Variants in CD5 observed in about 807,000 individuals in gnomAD.
The protein encoded by CD5 is CD5 molecule, also known as T-cell surface glycoprotein CD5.
In CD5, 36 loss-of-function variants were observed where a neutral mutation model predicts 60.3. That is an observed-to-expected ratio of 0.60 (90% confidence interval 0.46 to 0.79). CD5 has a LOEUF of 0.79. Among genes scored for constraint, CD5 ranks in the 30% least tolerant of loss-of-function variants. The pLI, the probability that CD5 is intolerant of heterozygous loss-of-function variation, is 0.00. For missense variants in CD5, 540 were observed against 630.6 expected (o/e 0.86, Z 1.54); for synonymous variants, 230 against 257.6 (o/e 0.89, Z 1.03).
chr11:61,107,579 A>T (rs1860794807), intron 1 of CD5, among the ~76,000 whole-genome samples: 1 of 152,214 alleles, frequency 6.6e-6, no homozygotes, highest in African/African-American at 2.4e-5. Flanking sequence ...TTGCACACTT[A>T]GAGGGATGTA....
Position 61,119,320 on chromosome 11 carries a change from A to T in CD5, c.550A>T (p.Thr184Ser). The change falls in exon 5 of 11, where the codon ACC becomes TCC. Residue 184 changes from threonine (T) to serine (S), a missense_variant. Coordinates refer to ENST00000347785, the MANE Select transcript of CD5 (RefSeq NM_014207.4). ...VEFYSGSLGG[T>S]ISYEAQDKTQ... ...GTTCTACAGCGGCAGCCTGGGGGGT[A>T]CCATCAGCTATGAGGCCCAGGACAA... is the stretch of plus-strand genomic sequence containing the variant. 6.2e-7 allele frequency: 1 copy of T among 1,613,910 alleles called. No individual in the cohort carries two copies. Among genetic ancestry groups the T allele is most frequent in the South Asian group, 1.1e-5 (1 of 91,084 alleles).
Position 61,122,927 on chromosome 11 carries a change from G to A in CD5, c.1120G>A (p.Gly374Ser). 1.2e-6 allele frequency: 2 copies of A among 1,613,970 alleles called. No homozygotes were observed. The highest frequency in any genetic ancestry group is 1.7e-6 in the Non-Finnish European group (2 of 1,179,894). ...CCCAGGCCAGGATCCAAACCCCGCA[G>A]GCCTGGCCGCAGGCACGGTGGCAAG... Reference protein sequence around the residue: ...FVTCQDPNPAGLAAGTVASII... With the variant: ...FVTCQDPNPASLAAGTVASII... Residue 374 changes from glycine to serine, a missense_variant, in exon 7 of 11, where the codon GGC (glycine) becomes AGC (serine). By Grantham distance (56) the Gly-to-Ser change is moderately conservative. Coordinates refer to ENST00000347785, the MANE Select transcript of CD5 (RefSeq NM_014207.4).
At chr11:61,098,725 T>C (rs1200566664), upstream of CD5, among the ~76,000 whole-genome samples, 2 of 152,198 alleles carry the variant, frequency 1.3e-5, no homozygotes, top group African/African-American at 2.4e-5. Flanking sequence ...CAGGAATTGC[T>C]CACTCAGAGA....
At chr11:61,105,896 G>C (rs930146192) in intron 1 of CD5, among the ~76,000 whole-genome samples, 4 of 152,078 alleles carry the variant, frequency 2.6e-5, no homozygotes, top group Non-Finnish European at 5.9e-5. Flanking sequence ...AGGCCAAGAC[G>C]GGTGGATCAC....
At position 61,118,135 on chromosome 11, in the gene CD5, C is replaced by T; in HGVS notation, c.95-40C>T. The T allele has an allele frequency of 6.3e-7, 1 of 1,588,970 alleles. No individual in the cohort carries two copies. Among genetic ancestry groups the T allele is most frequent in the Non-Finnish European group, 8.6e-7 (1 of 1,164,544 alleles). The stretch of plus-strand genomic sequence containing the variant: ...CAGTGAGGGGTGCCAGTGGGGAACC[C>T]CTCCCAGCCTGACCCCCACCACACC... On this transcript the variant is annotated intron_variant, in intron 2 of 10. Coordinates refer to ENST00000347785, the MANE Select transcript of CD5 (RefSeq NM_014207.4). The surrounding 1 kb of genome is among the most constrained non-coding windows in gnomAD (Gnocchi z 4.7).
At position 61,118,788 on chromosome 11, in the gene CD5, G is replaced by T; in HGVS notation, c.401-127G>T. 2 of 668,954 alleles carry T rather than the reference G, an allele frequency of 3.0e-6. No homozygotes were observed. The highest frequency in any genetic ancestry group is 3.6e-5 in the South Asian group (2 of 55,786). 41.4% of individuals were successfully genotyped at this position (668,954 alleles called of 1,614,324 possible). A position where few individuals can be genotyped will look rare whatever the true frequency, so the allele number is the denominator to read the frequency against. On this transcript the variant is annotated intron_variant, in intron 3 of 10. Coordinates refer to ENST00000347785, the MANE Select transcript of CD5 (RefSeq NM_014207.4). This position sits in a 1 kb window ranked among gnomAD's most constrained non-coding sequence, Gnocchi z 4.7. ...CGCAGGAGGCTTAGAGACAACGTGT[G>T]GGTCAAGTGGACCTGGTGTGCCAAG...
intron 9 of CD5, among the ~76,000 whole-genome samples, 163 bp downstream of exon 9, chr11:61,125,314 G>A (rs1041361520): frequency 6.6e-6 from 1 of 152,204 alleles, no homozygotes. Flanking sequence ...GGGTACGGAA[G>A]GGATATAGCC....
At position 61,126,194 on chromosome 11, in the gene CD5, C is replaced by T. The variant is rs573717860; in HGVS notation, c.*3-94C>T. On this transcript the variant is annotated intron_variant, in intron 10 of 10. Transcript: ENST00000347785. Reference sequence around the variant, plus strand: ...CCCTGGCTCAGGACAGCAGCCGTCCCCAAGATGGAGCCCAGAGCATGGGTC... The same window carrying T: ...CCCTGGCTCAGGACAGCAGCCGTCCTCAAGATGGAGCCCAGAGCATGGGTC... 2.0e-3 allele frequency: 377 copies of T among 187,024 alleles called. 2 individuals are homozygous for T. Among genetic ancestry groups the T allele is most frequent in the African/African-American group, 8.0e-3 (342 of 43,014 alleles). 11.6% of individuals were successfully genotyped at this position (187,024 alleles called of 1,614,324 possible).
intron 7 of CD5, 62 bp from the exon 8 acceptor site, chr11:61,123,822 T>A: frequency 4.5e-6 from 1 of 221,192 alleles, no homozygotes. Context: ...TCCCCACCCC[T>A]GCCTGCCCCC....
upstream of CD5, chr11:61,102,283 G>A: frequency 2.0e-6 from 1 of 511,668 alleles, no homozygotes. Flanking sequence ...CTGTGTGGGG[G>A]TGGCCGAGAG....
In CD5 at chr11:61,125,706, G is replaced by C. The variant is rs746842045; in HGVS notation, c.1400-45G>C. 7 of 1,423,686 alleles carry C rather than the reference G, an allele frequency of 4.9e-6. No individual in the cohort carries two copies. The South Asian group carries it at 8.4e-5, about 17-fold the overall frequency. The allele number at this position is 1,423,686 out of a possible 1,614,324, so 88.2% of individuals were successfully genotyped here. A position where few individuals can be genotyped will look rare whatever the true frequency, so the allele number is the denominator to read the frequency against. On this transcript the variant is annotated intron_variant, in intron 9 of 10. Transcript: ENST00000347785. ...GCGGCTCTAGGATCCAAGGGGCTCT[G>C]TGGAGTCAAAAACCCTCTGCAAACA...
chr11:61,117,858 T>G (rs1860987607), intron 2 of CD5, among the ~76,000 whole-genome samples: 1 of 152,184 alleles, frequency 6.6e-6, no homozygotes. Context: ...TCAGACCCCT[T>G]GAGACAGAAT....
chr11:61,099,704 TTA>T (rs1860633623), upstream of CD5, among the ~76,000 whole-genome samples: 1 of 130,704 alleles, frequency 7.7e-6, no homozygotes, highest in African/African-American at 3.1e-5. Context: ...AACATGGAGA[TTA>T]CACACACATC....
At chr11:61,111,222 C>T (rs370093156) in intron 1 of CD5, among the ~76,000 whole-genome samples, 56 of 152,190 alleles carry the variant, frequency 3.7e-4, no homozygotes, top group East Asian at 3.3e-3. Context: ...AGGTGGTGTT[C>T]ATCTCTGCAT....
chr11:61,105,895 C>T (rs1292101616), intron 1 of CD5, among the ~76,000 whole-genome samples: 2 of 152,070 alleles, frequency 1.3e-5, no homozygotes, highest in African/African-American at 4.8e-5. Flanking sequence ...GAGGCCAAGA[C>T]GGGTGGATCA....
intron 1 of CD5, among the ~76,000 whole-genome samples, chr11:61,104,825 G>C (rs1246800529): frequency 1.3e-5 from 2 of 152,230 alleles, no homozygotes; most frequent in Non-Finnish European, 2.9e-5. Flanking sequence ...TGCAAACCCA[G>C]GGTGCAGCAG....
At chr11:61,101,919 C>CT (rs1860699052), upstream of CD5, among the ~76,000 whole-genome samples, 1 of 147,660 alleles carries the variant, frequency 6.8e-6, no homozygotes, top group African/African-American at 2.5e-5. Flanking sequence ...TCTACACACA[C>CT]ACACACACAC....
chr11:61,098,122 C>G (rs1860607043), upstream of CD5, among the ~76,000 whole-genome samples: 1 of 152,052 alleles, frequency 6.6e-6, no homozygotes, highest in South Asian at 2.1e-4. Context: ...GATCCTGGGG[C>G]CATGTTTGGA....
At chr11:61,104,696 C>T (rs1590765544) in intron 1 of CD5, among the ~76,000 whole-genome samples, 3 of 152,336 alleles carry the variant, frequency 2.0e-5, no homozygotes, top group South Asian at 2.1e-4. Context: ...CAGTGGGTAA[C>T]GGTTTACAAA....
Sources: gnomAD v4.1 joint callset for allele counts (sites outside exome capture counted in the v4.1 genomes callset) on GRCh38, gnomAD v4.1.1 for gene constraint, Gnocchi (gnomAD v3.1) non-coding constraint, MANE v1.5 for transcripts, NCBI Gene and HGNC (gene_info 2026-07-23, HGNC 2026-07-21) for gene names.